Variants in TENM3 observed in about 807,000 individuals in gnomAD.
TENM3 encodes teneurin transmembrane protein 3.
A neutral mutation model predicts 255.1 loss-of-function variants in TENM3; 63 were observed. The ratio of observed to expected loss-of-function variants is 0.25; its 90% confidence interval spans 0.20 to 0.30. TENM3 has a LOEUF of 0.30. Ranked by LOEUF, TENM3 falls within the 10% of genes least tolerant of loss-of-function variation. TENM3 has a pLI of 1.00. For missense variants in TENM3, 2,929 were observed against 3,461.1 expected (o/e 0.85, Z 3.86); for synonymous variants, 1,306 against 1,322.3 (o/e 0.99, Z 0.27).
At chr4:182,455,950 T>C (rs1470930356) in intron 3 of TENM3, among the ~76,000 whole-genome samples, 1 of 152,190 alleles carries the variant, frequency 6.6e-6, no homozygotes, top group Non-Finnish European at 1.5e-5. Context: ...CATTATCCTG[T>C]AGTCATTTGT....
chr4:182,099,771 A>G, the TENM3 span, among the ~76,000 whole-genome samples: 9 of 152,296 alleles, frequency 5.9e-5, 1 homozygote, highest in Non-Finnish European at 1.0e-4. Flanking sequence ...TCTGATTTAG[A>G]GAACAGATGG....
the TENM3 span, among the ~76,000 whole-genome samples, chr4:181,665,073 G>T: frequency 2.0e-5 from 3 of 152,186 alleles, no homozygotes; most frequent in African/African-American, 7.2e-5. Context: ...AATAGGCTCA[G>T]ATAGATGAAG....
intron 5 of TENM3, among the ~76,000 whole-genome samples, chr4:182,640,788 A>G (rs1267171599): frequency 6.6e-6 from 1 of 152,182 alleles, no homozygotes; most frequent in African/African-American, 2.4e-5. Context: ...CTCCATAAAT[A>G]TTCATTAATA....
the TENM3 span, among the ~76,000 whole-genome samples, chr4:181,558,184 C>T: frequency 6.6e-6 from 1 of 152,130 alleles, no homozygotes; most frequent in Non-Finnish European, 1.5e-5. Context: ...TTCACAAGTA[C>T]TTTGTAAAAG....
At chr4:182,134,748 G>A in the TENM3 span, among the ~76,000 whole-genome samples, 1 of 152,226 alleles carries the variant, frequency 6.6e-6, no homozygotes, top group African/African-American at 2.4e-5. Flanking sequence ...CCAGAGCTAC[G>A]TCTTCATCAG....
chr4:182,560,377 G>A (rs1029217549), intron 3 of TENM3, among the ~76,000 whole-genome samples: 2 of 152,074 alleles, frequency 1.3e-5, no homozygotes, highest in Non-Finnish European at 2.9e-5. Context: ...CCATTCCCAA[G>A]GTGATTCAGC....
chr4:182,333,509 C>T (rs980147843), intron 2 of TENM3, among the ~76,000 whole-genome samples: 61 of 152,140 alleles, frequency 4.0e-4, no homozygotes, highest in African/African-American at 7.7e-4. Flanking sequence ...ATGATTTACA[C>T]GTTTTGGAAA....
At chr4:181,691,577 G>T in the TENM3 span, among the ~76,000 whole-genome samples, 2 of 152,062 alleles carry the variant, frequency 1.3e-5, no homozygotes. Flanking sequence ...TTATTTTAAT[G>T]ATAGGGTAAA....
At position 182,755,096 on chromosome 4, in the gene TENM3, G is replaced by A; in HGVS notation, c.4729G>A (p.Val1577Met). The change falls in exon 22 of 28, where the codon GTG becomes ATG. Residue 1577 changes from valine to methionine, a missense_variant. Coordinates refer to ENST00000511685, the MANE Select transcript of TENM3 (RefSeq NM_001080477.4). ...GGACCCAAATCGCATGCCAGTTCGA[G>A]TGGTGTCTCCTGATAACCAAGTGAT... is the stretch of plus-strand genomic sequence containing the variant. The part of the protein sequence containing the change: ...RRDPNRMPVR[V>M]VSPDNQVIWL... The A allele has an allele frequency of 6.2e-7, 1 of 1,614,014 alleles. No individual in the cohort carries two copies. Among genetic ancestry groups the A allele is most frequent in the African/African-American group, 1.3e-5 (1 of 75,060 alleles).
At chr4:182,029,989 G>C in the TENM3 span, among the ~76,000 whole-genome samples, 3 of 138,678 alleles carry the variant, frequency 2.2e-5, no homozygotes, top group African/African-American at 8.2e-5. Flanking sequence ...CCTTCTGCAT[G>C]CATCTCTCTC....
intron 1 of TENM3, among the ~76,000 whole-genome samples, chr4:182,153,041 G>T (rs943513018): frequency 6.6e-6 from 1 of 151,560 alleles, no homozygotes; most frequent in South Asian, 2.1e-4. Context: ...CTACACTTGG[G>T]CTTTTATCTT....
chr4:182,075,088 T>C, the TENM3 span, among the ~76,000 whole-genome samples: 1 of 151,930 alleles, frequency 6.6e-6, no homozygotes, highest in African/African-American at 2.4e-5. Context: ...CAACCCATTG[T>C]TACCATGCAA....
the TENM3 span, among the ~76,000 whole-genome samples, chr4:182,058,799 T>G: frequency 6.6e-6 from 1 of 152,150 alleles, no homozygotes; most frequent in South Asian, 2.1e-4. Flanking sequence ...TTTCCCTTTC[T>G]GAAGGGCAAC....
At chr4:181,819,918 T>C in the TENM3 span, 1 of 152,054 alleles carries the variant, frequency 6.6e-6, no homozygotes, top group African/African-American at 2.4e-5. Context: ...TCAAAATTTT[T>C]ATCAACAAAA....
At chr4:182,415,886 G>C (rs1298725102) in intron 3 of TENM3, among the ~76,000 whole-genome samples, 1 of 152,092 alleles carries the variant, frequency 6.6e-6, no homozygotes, top group Non-Finnish European at 1.5e-5. Flanking sequence ...TGAGCTACTT[G>C]GAGTCGTTTA....
At chr4:182,084,025 A>G in the TENM3 span, among the ~76,000 whole-genome samples, 3 of 152,204 alleles carry the variant, frequency 2.0e-5, no homozygotes, top group African/African-American at 7.2e-5. Context: ...GTAATTTTCT[A>G]AAGCCATAAG....
chr4:182,023,870 A>C, the TENM3 span, among the ~76,000 whole-genome samples: 1 of 152,230 alleles, frequency 6.6e-6, no homozygotes, highest in Admixed American at 6.5e-5. Context: ...AATATGATGT[A>C]TTAATAATAA....
the TENM3 span, among the ~76,000 whole-genome samples, chr4:182,086,677 GA>G: frequency 6.6e-6 from 1 of 152,162 alleles, no homozygotes; most frequent in Non-Finnish European, 1.5e-5. Flanking sequence ...AAGAGCAGAT[GA>G]AAAGCCAGAT....
chr4:181,650,496 C>T, the TENM3 span, among the ~76,000 whole-genome samples: 1 of 152,138 alleles, frequency 6.6e-6, no homozygotes, highest in African/African-American at 2.4e-5. Context: ...CATTTGGAGA[C>T]GGGGTGTTCA....
Sources: allele counts gnomAD v4.1 joint callset (sites outside exome capture counted in the v4.1 genomes callset), GRCh38; gene constraint gnomAD v4.1.1; transcripts MANE v1.5; gene names NCBI Gene and HGNC (gene_info 2026-07-23, HGNC 2026-07-21).